The following DISP1 variants were observed in gnomAD, a reference collection of about 807,000 sequenced individuals.
The protein encoded by DISP1 is protein dispatched homolog 1.
DISP1 carries 30 observed loss-of-function variants against 37.3 expected under a neutral mutation model. That is an observed-to-expected ratio of 0.80 (90% CI 0.60 to 1.09). DISP1 has a LOEUF of 1.09. Among genes scored for constraint, DISP1 ranks in the 50% least tolerant of loss-of-function variants. The probability of loss-of-function intolerance (pLI) is 0.00; values close to 1 mark genes in which losing one functional copy is unlikely to be tolerated. For synonymous variants in DISP1, 634 were observed against 690.2 expected (o/e 0.92, Z 1.28); for missense variants, 1,598 against 1,879.5 (o/e 0.85, Z 2.77).
At chr1:222,848,276 C>T (rs547406222) in intron 1 of DISP1, among the ~76,000 whole-genome samples, 2 of 152,164 alleles carry the variant, frequency 1.3e-5, no homozygotes, top group African/African-American at 2.4e-5. Context: ...TGATTGTGAG[C>T]ATTAAATGAG....
At chr1:222,831,807 A>G (rs1284722040) in intron 1 of DISP1, among the ~76,000 whole-genome samples, 1 of 152,182 alleles carries the variant, frequency 6.6e-6, no homozygotes, top group Non-Finnish European at 1.5e-5. Flanking sequence ...TATGGGATAC[A>G]TTTTAGAGAG....
chr1:222,970,398 G>A lies in DISP1; in HGVS notation c.510-12682G>A, dbSNP rs529784745. ...TCTCTAGCCGTTCACATAAAGAGCC[G>A]GCATTATTTTTCAAAGCATTTTAAA... On this transcript the variant is annotated intron_variant, in intron 3 of 8. Coordinates refer to ENST00000675850, the MANE Select transcript of DISP1 (RefSeq NM_001377229.1). Among the ~76,000 whole-genome samples, 13 of 152,038 alleles carry A rather than the reference G, an allele frequency of 8.6e-5. No individual in the cohort carries two copies. In the South Asian group the frequency reaches 1.0e-3, roughly 12 times the overall value.
chr1:222,904,025 G>A (rs1349687583), intron 1 of DISP1, among the ~76,000 whole-genome samples: 4 of 152,184 alleles, frequency 2.6e-5, no homozygotes, highest in African/African-American at 7.2e-5. Flanking sequence ...CATATGGGTT[G>A]TGTACTCCTG....
In DISP1 at chr1:222,910,884, A is replaced by G. The variant is rs1672170292; in HGVS notation, c.-158-17546A>G. 3.3e-5 allele frequency among the ~76,000 whole-genome samples: 5 copies of G among 152,220 alleles called. No homozygotes were observed. In the South Asian group the frequency reaches 1.0e-3, roughly 32 times the overall value. On this transcript the variant is annotated intron_variant, in intron 1 of 8. Transcript: ENST00000675850. ...GACTCATTTTGAGGGTAGTTTGGCC[A>G]GGGTTTATGTAAGAGAGTGACTGGG...
chr1:222,843,195 T>G (rs1362021950), intron 1 of DISP1, among the ~76,000 whole-genome samples: 4 of 151,834 alleles, frequency 2.6e-5, no homozygotes. Flanking sequence ...AAAAACAGAA[T>G]AGTTTTAAGA....
intron 1 of DISP1, among the ~76,000 whole-genome samples, chr1:222,871,274 G>A (rs1669555480): frequency 2.0e-5 from 3 of 152,082 alleles, no homozygotes; most frequent in South Asian, 4.1e-4. Context: ...GGCAATGTGG[G>A]CTCTTTTTTG....
intron 2 of DISP1, among the ~76,000 whole-genome samples, chr1:222,939,112 C>T (rs929633766): frequency 6.6e-6 from 1 of 152,108 alleles, no homozygotes; most frequent in African/African-American, 2.4e-5. Context: ...TTACTAGTTC[C>T]TACTTCATTA....
rs1042810633 is a variant in DISP1 at position 223,005,941 on chromosome 1, C to A, written c.4544C>A (p.Ser1515Tyr). 3 of 1,613,836 alleles carry A rather than the reference C, an allele frequency of 1.9e-6. No individual in the cohort carries two copies. The highest frequency in any genetic ancestry group is 2.7e-5 in the African/African-American group (2 of 74,912). The change falls in exon 9 of 9, where the codon TCT (serine) becomes TAT (tyrosine). Residue 1515 changes from serine (S) to tyrosine (Y), a missense_variant. Coordinates refer to ENST00000675850, the MANE Select transcript of DISP1 (RefSeq NM_001377229.1). ...GCTGTATTAACACACTCGGAACTTT[C>A]TGGTGAAAGTTTGTTAATAAAAACA... Reference protein sequence around the residue: ...VPAVLTHSELSGESLLIKTL With the variant: ...VPAVLTHSELYGESLLIKTL
intron 7 of DISP1, 103 bp from the exon 8 acceptor site, chr1:222,994,782 C>T (rs145223800): frequency 1.4e-4 from 113 of 823,010 alleles, no homozygotes; most frequent in Non-Finnish European, 2.1e-4. Context: ...AATGAATCAT[C>T]CATGTGGTTT....
intron 1 of DISP1, among the ~76,000 whole-genome samples, chr1:222,818,755 A>G (rs1281321545): frequency 6.6e-6 from 1 of 152,190 alleles, no homozygotes; most frequent in Non-Finnish European, 1.5e-5. Context: ...TCCTTTACTT[A>G]AGGTCAACTG....
intron 1 of DISP1, among the ~76,000 whole-genome samples, chr1:222,870,077 A>G (rs936660670): frequency 6.6e-6 from 1 of 152,092 alleles, no homozygotes; most frequent in African/African-American, 2.4e-5. Context: ...GCTGAGAATG[A>G]TGGTTTCCAG....
intron 1 of DISP1, among the ~76,000 whole-genome samples, chr1:222,926,353 G>T (rs1231913441): frequency 6.6e-6 from 1 of 152,000 alleles, no homozygotes; most frequent in Non-Finnish European, 1.5e-5. Context: ...TTTACTTTTG[G>T]CAGTTATGAA....
chr1:222,851,468 C>T lies in DISP1; in HGVS notation c.-159+36390C>T, dbSNP rs78048771. Among the ~76,000 whole-genome samples the T allele has an allele frequency of 9.9e-4, 150 of 152,166 alleles. 3 individuals are homozygous for T. The East Asian group carries it at 0.024, about 24-fold the overall frequency. On this transcript the variant is annotated intron_variant, in intron 1 of 8. Transcript: ENST00000675850. ...AGAACCATTGCTTGATAGGATGTAG[C>T]GACCCTTCCCTCCCAGCTGATTTGT...
chr1:222,906,554 C>T (rs1671903102), intron 1 of DISP1, among the ~76,000 whole-genome samples: 1 of 152,212 alleles, frequency 6.6e-6, no homozygotes, highest in Admixed American at 6.5e-5. Flanking sequence ...AAGAAGCCGG[C>T]GAAAACTCGC....
chr1:222,851,468 C>G (rs78048771), intron 1 of DISP1, among the ~76,000 whole-genome samples: 3 of 152,170 alleles, frequency 2.0e-5, no homozygotes, highest in Admixed American at 2.0e-4. Context: ...TAGGATGTAG[C>G]GACCCTTCCC....
At chr1:222,821,748 G>A (rs1406955358) in intron 1 of DISP1, among the ~76,000 whole-genome samples, 5 of 151,846 alleles carry the variant, frequency 3.3e-5, no homozygotes, top group Admixed American at 1.3e-4. Context: ...GTGTGGTGGC[G>A]GGCACCTGTA....
At chr1:222,822,498 A>C (rs1194473090) in intron 1 of DISP1, among the ~76,000 whole-genome samples, 2 of 152,222 alleles carry the variant, frequency 1.3e-5, no homozygotes, top group Non-Finnish European at 2.9e-5. Flanking sequence ...GGAAGAAGTA[A>C]GTTTGAATGC....
chr1:222,820,445 T>C (rs1208156360), intron 1 of DISP1, among the ~76,000 whole-genome samples: 1 of 152,174 alleles, frequency 6.6e-6, no homozygotes, highest in African/African-American at 2.4e-5. Flanking sequence ...GAGAAGTTAC[T>C]GAGAGGGCTT....
At chr1:222,927,769 T>C (rs1673168820) in intron 1 of DISP1, among the ~76,000 whole-genome samples, 1 of 152,214 alleles carries the variant, frequency 6.6e-6, no homozygotes. Flanking sequence ...GACTTTTATG[T>C]TGTGGTTGTG....
Sources: allele counts gnomAD v4.1 joint callset (sites outside exome capture counted in the v4.1 genomes callset), GRCh38; gene constraint gnomAD v4.1.1; transcripts MANE v1.5; gene names NCBI Gene and HGNC (gene_info 2026-07-23, HGNC 2026-07-21).